The following MSH3 variants were observed in gnomAD, a reference collection of about 807,000 sequenced individuals.
The protein encoded by MSH3 is mutS homolog 3.
Under a neutral mutation model 123.3 loss-of-function variants are expected in MSH3, and 106 were observed. That is an observed-to-expected ratio of 0.86 (90% CI 0.73 to 1.01). The LOEUF (loss-of-function observed/expected upper bound fraction) is 1.01. Ranked by LOEUF, MSH3 falls within the 50% of genes least tolerant of loss-of-function variation. MSH3 has a pLI of 0.00. For missense variants in MSH3, 1,459 were observed against 1,347.6 expected (o/e 1.08, Z -1.29); for synonymous variants, 515 against 481.4 (o/e 1.07, Z -0.91).
chr5:80,743,736 C>T lies in MSH3; in HGVS notation c.1654-770C>T, dbSNP rs1487205950. ...GCGGGCGCCTGTAGTCCCAGCTACT[C>T]GGGAGGCTGAGGCAGGAGAATGGCG... is the stretch of plus-strand genomic sequence containing the variant. On this transcript the variant is annotated intron_variant, in intron 11 of 23. Coordinates refer to ENST00000265081, the MANE Select transcript of MSH3 (RefSeq NM_002439.5). 1.9e-4 allele frequency among the ~76,000 whole-genome samples: 9 copies of T among 47,304 alleles called. 3 individuals are homozygous for T. The highest frequency in any genetic ancestry group is 1.6e-3 in the South Asian group (2 of 1,278). The allele number at this position is 47,304 out of a possible 152,430, so 31.0% of individuals were successfully genotyped here.
At chr5:80,660,613 T>C (rs1749412119) in intron 2 of MSH3, among the ~76,000 whole-genome samples, 1 of 152,218 alleles carries the variant, frequency 6.6e-6, no homozygotes, top group African/African-American at 2.4e-5. Context: ...AGAGTCACTG[T>C]ATTTCTTCGG....
Position 80,854,165 on chromosome 5 carries a change from G to A in MSH3, c.2849G>A (p.Ser950Asn), listed in dbSNP as rs1745877220. 1 of 1,613,504 alleles carries A rather than the reference G, an allele frequency of 6.2e-7. No individual in the cohort carries two copies. The stretch of plus-strand genomic sequence containing the variant: ...GCAGACAATATATATAAAGGACAGA[G>A]TACATTTATGGAAGAACTGACTGAC... Reference protein sequence around the residue: ...GAADNIYKGQSTFMEELTDTA... With the variant: ...GAADNIYKGQNTFMEELTDTA... Residue 950 changes from serine to asparagine, a missense_variant, in exon 21 of 24, where the codon AGT becomes AAT. Transcript: ENST00000265081.
intron 7 of MSH3, 132 bp downstream of exon 7, chr5:80,675,260 T>G: frequency 9.4e-7 from 1 of 1,058,434 alleles, no homozygotes; most frequent in Non-Finnish European, 1.4e-6. Context: ...AAAAACATTT[T>G]TCTCACAATA....
At chr5:80,655,417 C>A in intron 1 of MSH3, 3 of 224,562 alleles carry the variant, frequency 1.3e-5, no homozygotes, top group Non-Finnish European at 1.8e-5. Flanking sequence ...TATTTGAAAT[C>A]ACTACGGTTA....
intron 20 of MSH3, among the ~76,000 whole-genome samples, chr5:80,826,840 C>G (rs32981): frequency 0.7 from 106,797 of 151,854 alleles, 37,564 homozygotes; most frequent in South Asian, 0.8. Flanking sequence ...TGAGCCACCG[C>G]GCCCGGCCTC....
At chr5:80,810,300 TG>T (rs1263153882) in intron 19 of MSH3, among the ~76,000 whole-genome samples, 2 of 151,802 alleles carry the variant, frequency 1.3e-5, no homozygotes, top group African/African-American at 4.8e-5. Flanking sequence ...TTTTAACAAT[TG>T]TACAAGTAGA....
intron 23 of MSH3, among the ~76,000 whole-genome samples, chr5:80,875,423 C>CT (rs1746291135): frequency 6.6e-6 from 1 of 152,116 alleles, no homozygotes; most frequent in Non-Finnish European, 1.5e-5. Context: ...ATAGGAGTTT[C>CT]TTTTCTCCAG....
intron 20 of MSH3, among the ~76,000 whole-genome samples, chr5:80,832,677 T>G (rs1304204550): frequency 2.0e-5 from 3 of 152,126 alleles, no homozygotes; most frequent in East Asian, 3.9e-4. Context: ...TTGTGGATGT[T>G]AATACCACTG....
intron 15 of MSH3, among the ~76,000 whole-genome samples, chr5:80,770,162 G>T (rs1472459707): frequency 1.3e-5 from 2 of 152,132 alleles, no homozygotes; most frequent in Non-Finnish European, 2.9e-5. Context: ...GTGAAAACTG[G>T]CCTAAAGGCC....
At chr5:80,669,614 G>A (rs1416150707) in intron 3 of MSH3, among the ~76,000 whole-genome samples, 1 of 152,036 alleles carries the variant, frequency 6.6e-6, no homozygotes, top group Non-Finnish European at 1.5e-5. Context: ...AGAATTTATA[G>A]AATGTGCTGT....
chr5:80,805,593 CTTT>C (rs34689496), intron 19 of MSH3, among the ~76,000 whole-genome samples: 27 of 104,492 alleles, frequency 2.6e-4, no homozygotes, highest in African/African-American at 5.3e-4. Context: ...CCCCCCCTAC[CTTT>C]TTTTTTTTTT....
At chr5:80,825,719 T>A (rs1745282849) in intron 20 of MSH3, among the ~76,000 whole-genome samples, 1 of 152,230 alleles carries the variant, frequency 6.6e-6, no homozygotes, top group South Asian at 2.1e-4. Flanking sequence ...TAAAATAGAT[T>A]AGAATAAGAA....
chr5:80,865,071 C>T, intron 22 of MSH3, 129 bp downstream of exon 22: 1 of 997,532 alleles, frequency 1.0e-6, no homozygotes, highest in Non-Finnish European at 1.6e-6. Flanking sequence ...TAACATTTGT[C>T]AGGATTCATT....
At chr5:80,759,262 T>G (rs1414090943) in intron 12 of MSH3, among the ~76,000 whole-genome samples, 1 of 152,088 alleles carries the variant, frequency 6.6e-6, no homozygotes, top group Non-Finnish European at 1.5e-5. Context: ...ATGATTACCA[T>G]TATGAGAAGG....
Position 80,873,294 on chromosome 5 carries a change from G to A in MSH3, c.3302+7G>A, listed in dbSNP as rs371218489. 9 of 1,613,590 alleles carry A rather than the reference G, an allele frequency of 5.6e-6. No individual in the cohort carries two copies. Among genetic ancestry groups the A allele is most frequent in the Non-Finnish European group, 7.6e-6 (9 of 1,179,804 alleles). ...GATTAATAAATACGAAAAGGTCAGA[G>A]TGATTATGCTGCATTTTTTCATTTG... is the stretch of plus-strand genomic sequence containing the variant. On this transcript the variant is annotated splice_region_variant and intron_variant, in intron 23 of 23. Transcript: ENST00000265081.
At chr5:80,801,903 A>G (rs1178661736) in intron 19 of MSH3, among the ~76,000 whole-genome samples, 1 of 152,174 alleles carries the variant, frequency 6.6e-6, no homozygotes, top group Non-Finnish European at 1.5e-5. Flanking sequence ...CCAATTCTTT[A>G]TTCATGTTTA....
chr5:80,839,632 G>A (rs775734286), intron 20 of MSH3, among the ~76,000 whole-genome samples: 4 of 152,164 alleles, frequency 2.6e-5, no homozygotes, highest in African/African-American at 4.8e-5. Flanking sequence ...TTTGCTAGGT[G>A]CTTGGGGGAT....
intron 11 of MSH3, among the ~76,000 whole-genome samples, 160 bp downstream of exon 11, chr5:80,741,708 C>T (rs1194266331): frequency 6.6e-6 from 1 of 152,108 alleles, no homozygotes; most frequent in South Asian, 2.1e-4. Context: ...ATGAACTGTA[C>T]ATAATATTTC....
rs1362313141 is a variant in MSH3 at position 80,656,520 on chromosome 5, C to T, written c.347C>T (p.Ser116Phe). The stretch of plus-strand genomic sequence containing the variant: ...GAAGGAGGAAGTGATCTGGGAATGT[C>T]TGGCAACTCTGGTGAGTTGTGGGGG... ...QKEGGSDLGM[S>F]GNSEPKKCLR... is the part of the protein sequence containing the mutation. Residue 116 changes from serine (S) to phenylalanine (F), a missense_variant, in exon 2 of 24, where the codon TCT becomes TTT. Physicochemically the swap from Ser to Phe is radical, Grantham distance 155. Transcript: ENST00000265081. 1.2e-6 allele frequency: 2 copies of T among 1,614,162 alleles called. No individual in the cohort carries two copies. The highest frequency in any genetic ancestry group is 3.3e-5 in the Admixed American group (2 of 60,024).
Sources: gnomAD v4.1 joint callset for allele counts (sites outside exome capture counted in the v4.1 genomes callset) on GRCh38, gnomAD v4.1.1 for gene constraint, MANE v1.5 for transcripts, NCBI Gene and HGNC (gene_info 2026-07-23, HGNC 2026-07-21) for gene names.